Variants in AMMECR1 observed in about 807,000 individuals in gnomAD.
AMMECR1 encodes AMMECR nuclear protein 1, also known as nuclear protein AMMECR1.
AMMECR1 carries 3 observed loss-of-function variants against 22.5 expected under a neutral mutation model. The ratio of observed to expected loss-of-function variants is 0.13; its 90% CI spans 0.06 to 0.35. The LOEUF (loss-of-function observed/expected upper bound fraction) is 0.35, where lower values mean the gene tolerates loss of function less well. Ranked by LOEUF, AMMECR1 falls within the 10% of genes least tolerant of loss-of-function variation. AMMECR1 has a pLI of 1.00. For synonymous variants in AMMECR1, 130 were observed against 116.7 expected (o/e 1.11, Z -0.74); for missense variants, 235 against 278.7 (o/e 0.84, Z 1.12).
chrX:110,401,265 G>C (rs1406268966), intron 2 of AMMECR1, among the ~76,000 whole-genome samples: 2 of 110,855 alleles, frequency 1.8e-5, no homozygotes, highest in Non-Finnish European at 3.8e-5. Flanking sequence ...TCAGCTCTGG[G>C]CAAAATGGTG....
intron 1 of AMMECR1, among the ~76,000 whole-genome samples, chrX:110,289,053 GT>G: frequency 8.9e-6 from 1 of 112,138 alleles, no homozygotes; most frequent in Non-Finnish European, 1.9e-5. Context: ...AGAATGTCTA[GT>G]CCTCTCCCCC....
At chrX:110,260,425 A>G (rs1290781021) in intron 2 of AMMECR1, among the ~76,000 whole-genome samples, 1 of 111,390 alleles carries the variant, frequency 9.0e-6, no homozygotes, top group Non-Finnish European at 1.9e-5. Context: ...GTTTATATAT[A>G]TATTTAAAAA....
At chrX:110,382,854 G>A (rs958431706) in intron 2 of AMMECR1, among the ~76,000 whole-genome samples, 2 of 111,492 alleles carry the variant, frequency 1.8e-5, no homozygotes, top group African/African-American at 3.3e-5. Context: ...CCTCTAATTC[G>A]TTTCTTCCTC....
chrX:110,273,834 G>A (rs2067811820), intron 1 of AMMECR1, among the ~76,000 whole-genome samples: 1 of 111,993 alleles, frequency 8.9e-6, no homozygotes, highest in South Asian at 3.7e-4. Context: ...CCACTGATCT[G>A]TTTGTCTATT....
At chrX:110,285,154 C>T (rs985359921) in intron 1 of AMMECR1, among the ~76,000 whole-genome samples, 2 of 112,004 alleles carry the variant, frequency 1.8e-5, no homozygotes, top group African/African-American at 6.5e-5. Context: ...GTGCTTAGAA[C>T]GGTGCCTAGA....
rs932806850 is a variant in AMMECR1 at position 110,410,790 on chromosome X, C to T, written c.-148+15868G>A. 8.1e-5 allele frequency among the ~76,000 whole-genome samples: 9 copies of T among 111,593 alleles called. No individual in the cohort carries two copies. In the South Asian group the frequency reaches 1.9e-3, roughly 23 times the overall value. ...ATAACCTTTTGGATCCTAGATATGT[C>T]GTAGCTGGGGCCTTGGGACAAGTCC... On this transcript the variant is annotated intron_variant, in intron 2 of 7. Transcript: ENST00000372057.
chrX:110,274,420 T>C (rs1329285167), intron 1 of AMMECR1, among the ~76,000 whole-genome samples: 1 of 111,873 alleles, frequency 8.9e-6, no homozygotes, highest in Non-Finnish European at 1.9e-5. Flanking sequence ...TCATGTATTT[T>C]GAGGATCTGT....
intron 1 of AMMECR1, among the ~76,000 whole-genome samples, chrX:110,439,275 C>T (rs1368217889): frequency 8.9e-6 from 1 of 111,732 alleles, no homozygotes; most frequent in Non-Finnish European, 1.9e-5. Context: ...CCTGGGGAGC[C>T]CTTAGTTATT....
At chrX:110,302,624 G>A (rs1415830701) in intron 1 of AMMECR1, among the ~76,000 whole-genome samples, 1 of 111,480 alleles carries the variant, frequency 9.0e-6, no homozygotes, top group Non-Finnish European at 1.9e-5. Flanking sequence ...TGTAATCCCA[G>A]CACTTTGGGA....
chrX:110,297,589 T>TA (rs1253316522), intron 1 of AMMECR1, among the ~76,000 whole-genome samples: 2 of 111,618 alleles, frequency 1.8e-5, no homozygotes, highest in Non-Finnish European at 3.8e-5. Flanking sequence ...CTTTTTTTTT[T>TA]AACCGAAAAT....
chrX:110,408,054 G>A (rs915854678), intron 2 of AMMECR1, among the ~76,000 whole-genome samples: 2 of 112,797 alleles, frequency 1.8e-5, no homozygotes, highest in African/African-American at 3.2e-5. Context: ...AAACTCAACT[G>A]CAGCTGAGTT....
rs1304371065 is a variant in AMMECR1 at position 110,198,531 on chromosome X, G to T, written c.991C>A (p.His331Asn). 8.5e-7 allele frequency: 1 copy of T among 1,180,752 alleles called. No homozygotes were observed. The highest frequency in any genetic ancestry group is 1.1e-6 in the Non-Finnish European group (1 of 877,777). The change falls in exon 6 of 6, where the codon CAT becomes AAT. Residue 331 changes from histidine to asparagine, a missense_variant. By Grantham distance (68) the His-to-Asn change is moderately conservative. This residue lies in a region of AMMECR1 where 111 missense variants were observed against 181.7 expected (regional missense o/e 0.61). Coordinates refer to ENST00000262844, the MANE Select transcript of AMMECR1 (RefSeq NM_015365.3). ...TGTGCGGCTCAGTGTCAGGAATAAT[G>T]GTTGTATGGCGGAAGGGGATGCCCA... ...GIGHPLPPYN[H>N]YS
At chrX:110,372,703 A>T (rs1456172397) in intron 2 of AMMECR1, among the ~76,000 whole-genome samples, 1 of 112,202 alleles carries the variant, frequency 8.9e-6, no homozygotes, top group African/African-American at 3.2e-5. Context: ...GACATACTGG[A>T]TCAAATTTAA....
At chrX:110,278,413 A>G (rs2067836832) in intron 1 of AMMECR1, among the ~76,000 whole-genome samples, 1 of 111,940 alleles carries the variant, frequency 8.9e-6, no homozygotes, top group Non-Finnish European at 1.9e-5. Context: ...AAGTAAGCCA[A>G]TGTCAAGCCT....
At chrX:110,417,258 G>A (rs974111110) in intron 2 of AMMECR1, among the ~76,000 whole-genome samples, 10 of 112,195 alleles carry the variant, frequency 8.9e-5, no homozygotes, top group African/African-American at 3.2e-4. Flanking sequence ...GGAGTGAAGA[G>A]GCAGCAGGCC....
intron 2 of AMMECR1, among the ~76,000 whole-genome samples, chrX:110,330,396 A>G (rs947668539): frequency 1.3e-4 from 14 of 111,533 alleles, no homozygotes; most frequent in Admixed American, 3.8e-4. Context: ...TATGGTCTAG[A>G]ATAGTGTTAC....
chrX:110,360,735 G>C, intron 2 of AMMECR1, among the ~76,000 whole-genome samples: 2 of 111,382 alleles, frequency 1.8e-5, no homozygotes, highest in Middle Eastern at 4.6e-3. Context: ...TTGACATTTG[G>C]AGGCAAGGAA....
chrX:110,318,151 CAGGCCGCCGGGGGCGCGCCAG>C, upstream of AMMECR1: 3 of 915,276 alleles, frequency 3.3e-6, no homozygotes, highest in Non-Finnish European at 2.7e-6. Flanking sequence ...CGCTGCGGCT[CAGGCCGCCGGGGGCGCGCCAG>C]AGGCTGGCGG....
intron 2 of AMMECR1, among the ~76,000 whole-genome samples, chrX:110,237,271 A>G: frequency 9.0e-6 from 1 of 110,936 alleles, no homozygotes; most frequent in African/African-American, 3.3e-5. Flanking sequence ...AGAAAATCAG[A>G]TATTAGTACA....
Sources: gnomAD v4.1 joint callset for allele counts (sites outside exome capture counted in the v4.1 genomes callset) on GRCh38, gnomAD v4.1.1 for gene constraint, gnomAD v4.1.1 regional missense constraint, MANE v1.5 for transcripts, NCBI Gene and HGNC (gene_info 2026-07-23, HGNC 2026-07-21) for gene names.